Variants in CSMD3 observed in about 807,000 individuals in gnomAD.
The protein encoded by CSMD3 is CUB and Sushi multiple domains 3.
A neutral mutation model predicts 435.2 loss-of-function variants in CSMD3; 177 were observed. The ratio of observed to expected loss-of-function variants is 0.41; its 90% confidence interval spans 0.36 to 0.46. The LOEUF (loss-of-function observed/expected upper bound fraction) is 0.46, where lower values mean the gene tolerates loss of function less well. Among genes scored for constraint, CSMD3 ranks in the 20% least tolerant of loss-of-function variants. The pLI, the probability that CSMD3 is intolerant of heterozygous loss-of-function variation, is 0.34. For synonymous variants in CSMD3, 1,656 were observed against 1,520.5 expected (o/e 1.09, Z -2.07); for missense variants, 4,265 against 4,504.6 (o/e 0.95, Z 1.52).
intron 1 of CSMD3, among the ~76,000 whole-genome samples, chr8:113,384,886 G>A (rs1291012847): frequency 3.3e-5 from 5 of 152,100 alleles, no homozygotes; most frequent in Admixed American, 2.0e-4. Flanking sequence ...CCCAGCCTGG[G>A]CACCCAAAAC....
intron 8 of CSMD3, among the ~76,000 whole-genome samples, chr8:112,951,763 A>G (rs2083820593): frequency 6.6e-6 from 1 of 150,718 alleles, no homozygotes; most frequent in Non-Finnish European, 1.5e-5. Flanking sequence ...TGAATGAATA[A>G]AAGTATGGAT....
intron 27 of CSMD3, among the ~76,000 whole-genome samples, chr8:112,526,548 A>T (rs1586601637): frequency 6.6e-6 from 1 of 152,000 alleles, no homozygotes; most frequent in African/African-American, 2.4e-5. Flanking sequence ...TGCAATTATG[A>T]ATTTTGTGTA....
chr8:112,904,181 A>G (rs552613488), intron 10 of CSMD3, among the ~76,000 whole-genome samples: 1 of 151,572 alleles, frequency 6.6e-6, no homozygotes, highest in African/African-American at 2.4e-5. Context: ...TTCACCTTAG[A>G]TGTATCAATA....
chr8:112,290,523 A>T (rs968984020), intron 56 of CSMD3, among the ~76,000 whole-genome samples: 1 of 151,994 alleles, frequency 6.6e-6, no homozygotes, highest in Non-Finnish European at 1.5e-5. Context: ...AGCAGGCCAA[A>T]TTACTGAACT....
intron 1 of CSMD3, among the ~76,000 whole-genome samples, chr8:113,349,216 A>G (rs2094173239): frequency 6.6e-6 from 1 of 152,092 alleles, no homozygotes; most frequent in South Asian, 2.1e-4. Flanking sequence ...ACCAGTTTCT[A>G]ACACTGACCA....
intron 16 of CSMD3, among the ~76,000 whole-genome samples, chr8:112,670,399 T>C (rs2075629101): frequency 6.6e-6 from 1 of 152,120 alleles, no homozygotes; most frequent in Admixed American, 6.6e-5. Flanking sequence ...TATGTATATA[T>C]ACACACACAC....
At chr8:113,220,126 T>C (rs1431277116) in intron 3 of CSMD3, among the ~76,000 whole-genome samples, 1 of 151,424 alleles carries the variant, frequency 6.6e-6, no homozygotes, top group Non-Finnish European at 1.5e-5. Context: ...ACTCTGTTAG[T>C]GAGGTTGTAG....
In CSMD3 at chr8:113,278,593, T is replaced by G. The variant is rs892484880; in HGVS notation, c.513A>C (p.Glu171Asp). The G allele has an allele frequency of 6.1e-6, 9 of 1,466,678 alleles. No individual in the cohort carries two copies. Among genetic ancestry groups the G allele is most frequent in the Non-Finnish European group, 8.6e-6 (9 of 1,046,222 alleles). The allele number at this position is 1,466,678 out of a possible 1,614,324, so 90.9% of individuals were successfully genotyped here. A position where few individuals can be genotyped will look rare whatever the true frequency, so the allele number is the denominator to read the frequency against. The change falls in exon 3 of 71, where the codon GAA becomes GAC. Residue 171 changes from glutamate (E) to aspartate (D), a missense_variant and splice_region_variant. Glu to Asp is a conservative substitution (Grantham distance 45). Around this residue, in one of 3 missense-constraint regions of CSMD3, gnomAD observed 731 missense variants for 755.4 expected, o/e 0.97. Coordinates refer to ENST00000297405, the MANE Select transcript of CSMD3 (RefSeq NM_198123.2). ...VSAHGFKVYYEELQSSSCGNP... is the reference protein window; with the variant it reads ...VSAHGFKVYYDELQSSSCGNP... Reference sequence around the variant, plus strand: ...TTGTTTGCCACTACCATCACTTACCTTCGTAATATACCTTAAATCCATGAG... The same window carrying G: ...TTGTTTGCCACTACCATCACTTACCGTCGTAATATACCTTAAATCCATGAG...
chr8:112,960,823 T>C (rs1192436761), intron 7 of CSMD3, among the ~76,000 whole-genome samples: 1 of 151,762 alleles, frequency 6.6e-6, no homozygotes, highest in Non-Finnish European at 1.5e-5. Flanking sequence ...TATTAGGAAA[T>C]AGTATATATT....
chr8:112,999,410 G>C (rs1027213546), intron 6 of CSMD3, among the ~76,000 whole-genome samples: 1 of 151,826 alleles, frequency 6.6e-6, no homozygotes, highest in Non-Finnish European at 1.5e-5. Flanking sequence ...TTGAGGACCA[G>C]CAAGGATGCC....
At chr8:112,669,100 TCA>T (rs2075595926) in intron 16 of CSMD3, among the ~76,000 whole-genome samples, 1 of 151,978 alleles carries the variant, frequency 6.6e-6, no homozygotes, top group South Asian at 2.1e-4. Flanking sequence ...TTGCACAATC[TCA>T]TCTCACTGCA....
chr8:113,326,900 A>C (rs1274046078), intron 1 of CSMD3, among the ~76,000 whole-genome samples: 1 of 152,138 alleles, frequency 6.6e-6, no homozygotes, highest in African/African-American at 2.4e-5. Context: ...TCTAGGAATC[A>C]CTCAATAAAA....
At chr8:112,413,314 G>GAGGT (rs1811554059) in intron 32 of CSMD3, among the ~76,000 whole-genome samples, 1 of 152,164 alleles carries the variant, frequency 6.6e-6, no homozygotes, top group Admixed American at 6.5e-5. Flanking sequence ...ATAAGATTGA[G>GAGGT]AGGTAGGGTT....
At chr8:112,441,740 A>G (rs889325400) in intron 32 of CSMD3, among the ~76,000 whole-genome samples, 1 of 152,158 alleles carries the variant, frequency 6.6e-6, no homozygotes. Flanking sequence ...GTGAAGGGGG[A>G]AAAGGCCCTT....
At chr8:113,139,413 G>C (rs2091494594) in intron 4 of CSMD3, among the ~76,000 whole-genome samples, 1 of 150,780 alleles carries the variant, frequency 6.6e-6, no homozygotes, top group Non-Finnish European at 1.5e-5. Context: ...GGTATAAAGG[G>C]ATATAAGGAG....
chr8:112,755,544 C>T (rs2077679304), intron 13 of CSMD3, among the ~76,000 whole-genome samples: 1 of 150,648 alleles, frequency 6.6e-6, no homozygotes, highest in Admixed American at 6.6e-5. Context: ...CTGAGACCTC[C>T]CCAGCTCTGA....
chr8:112,333,895 T>A (rs1477661147), intron 45 of CSMD3, among the ~76,000 whole-genome samples: 2 of 152,188 alleles, frequency 1.3e-5, no homozygotes, highest in Non-Finnish European at 2.9e-5. Context: ...ATGTACATAA[T>A]ATAGTTTGGC....
chr8:112,890,216 A>G (rs527357518), intron 10 of CSMD3, among the ~76,000 whole-genome samples: 1 of 151,746 alleles, frequency 6.6e-6, no homozygotes, highest in African/African-American at 2.4e-5. Flanking sequence ...TGACAATAGC[A>G]TTTTACCATG....
At chr8:112,387,157 C>T (rs745497276) in intron 36 of CSMD3, among the ~76,000 whole-genome samples, 1 of 152,090 alleles carries the variant, frequency 6.6e-6, no homozygotes, top group Non-Finnish European at 1.5e-5. Flanking sequence ...CCACTCTTTG[C>T]CACAAAGAGT....
Sources: gnomAD v4.1 joint callset for allele counts (sites outside exome capture counted in the v4.1 genomes callset) on GRCh38, gnomAD v4.1.1 for gene constraint, gnomAD v4.1.1 regional missense constraint, MANE v1.5 for transcripts, NCBI Gene and HGNC (gene_info 2026-07-23, HGNC 2026-07-21) for gene names.